The following WDR33 variants were observed in gnomAD, a reference collection of about 807,000 sequenced individuals.
The protein encoded by WDR33 is WD repeat domain 33.
Under a neutral mutation model 164.9 loss-of-function variants are expected in WDR33, and 47 were observed. The ratio of observed to expected loss-of-function variants is 0.29; its 90% CI spans 0.23 to 0.36. The LOEUF is 0.36. WDR33 is among the 10% of genes least tolerant of loss of function. WDR33 has a pLI of 1.00. For missense variants in WDR33, 1,137 were observed against 1,754.1 expected, an observed-to-expected ratio of 0.65 and a Z score of 6.28; for synonymous variants, 505 against 589.0, an observed-to-expected ratio of 0.86 and a Z score of 2.06.
At position 127,717,313 on chromosome 2, in the gene WDR33, C is replaced by T. The variant is rs3771293; in HGVS notation, c.2761-50G>A. The T allele has an allele frequency of 0.15, 212,530 of 1,427,802 alleles. 17,006 individuals carry two copies. Among genetic ancestry groups the T allele is most frequent in the African/African-American group, 0.27 (18,270 of 68,510 alleles). The allele number at this position is 1,427,802 out of a possible 1,614,324, so 88.4% of individuals were successfully genotyped here. On this transcript the variant is annotated intron_variant, in intron 16 of 21. Coordinates refer to ENST00000322313, the MANE Select transcript of WDR33 (RefSeq NM_018383.5). The surrounding 1 kb of genome is among the most constrained non-coding windows in gnomAD (Gnocchi z 5.6). The stretch of plus-strand genomic sequence containing the variant: ...GGTATGAAATCACAGGCTTGAGCTA[C>T]ATAAATAGTGATTGCATTATAACAT...
rs1686253886 is a variant in WDR33, at chr2:127,714,536, A to C, written c.2870-515T>G. 6.6e-6 allele frequency among the ~76,000 whole-genome samples: 1 copy of C among 152,198 alleles called. No homozygotes were observed. The highest frequency in any genetic ancestry group is 2.1e-4 in the South Asian group (1 of 4,826). On this transcript the variant is annotated intron_variant, in intron 17 of 21. Transcript: ENST00000322313. The surrounding 1 kb of genome is among the most constrained non-coding windows in gnomAD (Gnocchi z 4.3). ...GTTGCACTTGATTCCTCTGTAAGGT[A>C]CATGCAATCACCAGCCTCTCAAATA...
intron 1 of WDR33, among the ~76,000 whole-genome samples, chr2:127,785,576 AG>A (rs1312437466): frequency 6.6e-6 from 1 of 152,134 alleles, no homozygotes; most frequent in Non-Finnish European, 1.5e-5. Flanking sequence ...TACAGTGTGG[AG>A]CATTTTGAGA....
At chr2:127,755,350 T>G (rs958313116) in intron 7 of WDR33, among the ~76,000 whole-genome samples, 1 of 152,202 alleles carries the variant, frequency 6.6e-6, no homozygotes, top group African/African-American at 2.4e-5. Flanking sequence ...TGCATACTTG[T>G]CTCACAGGTA....
At chr2:127,711,469 A>C (rs1686159671) in intron 18 of WDR33, among the ~76,000 whole-genome samples, 1 of 150,840 alleles carries the variant, frequency 6.6e-6, no homozygotes, top group African/African-American at 2.4e-5. Context: ...AACATTTTGC[A>C]CAAGATGCAG....
intron 1 of WDR33, among the ~76,000 whole-genome samples, chr2:127,788,434 C>A (rs1368468445): frequency 1.6e-5 from 2 of 128,616 alleles, no homozygotes; most frequent in Non-Finnish European, 3.3e-5. Context: ...TGACCCCCCC[C>A]ACCTCCCTCC....
intron 1 of WDR33, among the ~76,000 whole-genome samples, chr2:127,806,016 G>A (rs1462660780): frequency 6.6e-6 from 1 of 151,536 alleles, no homozygotes; most frequent in African/African-American, 2.4e-5. Context: ...GTGAGGCCAA[G>A]GTGGGCAGAT....
intron 7 of WDR33, among the ~76,000 whole-genome samples, chr2:127,729,445 G>A (rs1686648870): frequency 6.6e-6 from 1 of 151,806 alleles, no homozygotes; most frequent in Non-Finnish European, 1.5e-5. Flanking sequence ...TAAAGACTCA[G>A]TGAAGGATAG....
rs561658677 is a variant in WDR33 at position 127,716,344 on chromosome 2, T to C, written c.2869+811A>G. The stretch of plus-strand genomic sequence containing the variant: ...GCTTAGCCAATTAAAACTAAGAGAG[T>C]AAAGTTCTGTGAAGGGCAATCTCTG... On this transcript the variant is annotated intron_variant, in intron 17 of 21. Coordinates refer to ENST00000322313, the MANE Select transcript of WDR33 (RefSeq NM_018383.5). The surrounding 1 kb of genome is among the most constrained non-coding windows in gnomAD (Gnocchi z 4.5). Among the ~76,000 whole-genome samples, 17 of 151,994 alleles carry C rather than the reference T, an allele frequency of 1.1e-4. No homozygotes were observed. The East Asian group carries it at 3.3e-3, about 29-fold the overall frequency.
rs796330869 is a variant in WDR33 at position 127,731,317 on chromosome 2, A to C, written c.725-4540T>G. 4.1e-3 allele frequency among the ~76,000 whole-genome samples: 592 copies of C among 143,818 alleles called. 3 individuals are homozygous for C. The highest frequency in any genetic ancestry group is 0.015 in the African/African-American group (558 of 36,736). The allele number at this position is 143,818 out of a possible 152,430, so 94.4% of individuals were successfully genotyped here. A position where few individuals can be genotyped will look rare whatever the true frequency, so the allele number is the denominator to read the frequency against. On this transcript the variant is annotated intron_variant, in intron 7 of 21. Coordinates refer to ENST00000322313, the MANE Select transcript of WDR33 (RefSeq NM_018383.5). ...CTCAAAAAAAAAAAAAAAAAAAAAA[A>C]ACACAGAAAAGCAAAAATTAAATTT...
chr2:127,708,670 CT>C lies in WDR33; in HGVS notation c.3781+6del. On this transcript the variant is annotated splice_donor_region_variant and intron_variant, in intron 21 of 21. Transcript: ENST00000322313. This position sits in a 1 kb window ranked among gnomAD's most constrained non-coding sequence, Gnocchi z 6.7. ...TCCTGGAACCATAACCACTGGCCTGCTCTTACCTTTGCCTCCTCGGTCTTCA... is the reference window on the plus strand; with the variant it reads ...TCCTGGAACCATAACCACTGGCCTGCCTTACCTTTGCCTCCTCGGTCTTCA... 1 of 1,595,434 alleles carries C rather than the reference CT, an allele frequency of 6.3e-7. No individual in the cohort carries two copies. Among genetic ancestry groups the C allele is most frequent in the Non-Finnish European group, 8.5e-7 (1 of 1,169,780 alleles).
intron 1 of WDR33, among the ~76,000 whole-genome samples, chr2:127,776,836 C>T (rs112996919): frequency 8.5e-5 from 13 of 152,356 alleles, no homozygotes; most frequent in African/African-American, 2.2e-4. Context: ...CTATCCTCTA[C>T]GCTTTACTTG....
At chr2:127,810,358 G>T (rs746135926) in intron 1 of WDR33, among the ~76,000 whole-genome samples, 3 of 152,076 alleles carry the variant, frequency 2.0e-5, no homozygotes, top group Non-Finnish European at 2.9e-5. Context: ...ACTCCGGAAG[G>T]GGCCACTAAT....
At chr2:127,774,415 T>C (rs1480698687) in intron 1 of WDR33, among the ~76,000 whole-genome samples, 1 of 152,122 alleles carries the variant, frequency 6.6e-6, no homozygotes, top group Non-Finnish European at 1.5e-5. Flanking sequence ...AATAAAATTA[T>C]TCTAACAGTA....
intron 1 of WDR33, among the ~76,000 whole-genome samples, chr2:127,776,946 T>G (rs1688203109): frequency 6.6e-6 from 1 of 152,188 alleles, no homozygotes; most frequent in African/African-American, 2.4e-5. Context: ...CACTGCAGTA[T>G]TGACTTGAGG....
At chr2:127,783,219 C>T (rs530577578) in intron 1 of WDR33, among the ~76,000 whole-genome samples, 24 of 152,212 alleles carry the variant, frequency 1.6e-4, no homozygotes, top group Non-Finnish European at 3.1e-4. Context: ...ATGTTTAATC[C>T]ATGTTACCTG....
At position 127,705,668 on chromosome 2, in the gene WDR33, G is replaced by A. The variant is rs960084737; in HGVS notation, c.*655C>T. On this transcript the variant is annotated 3_prime_UTR_variant, in exon 22 of 22. Transcript: ENST00000322313. The surrounding 1 kb of genome is among the most constrained non-coding windows in gnomAD (Gnocchi z 4.5). ...CTCTTCAGAGTACAATTTTCCATCT[G>A]TCAGAGCATGTCTGAATAAAAATTT... The A allele has an allele frequency of 6.6e-6, 1 of 152,198 alleles. No individual in the cohort carries two copies. The highest frequency in any genetic ancestry group is 2.4e-5 in the African/African-American group (1 of 41,460). 9.4% of individuals were successfully genotyped at this position (152,198 alleles called of 1,614,324 possible).
intron 1 of WDR33, among the ~76,000 whole-genome samples, chr2:127,788,595 G>A (rs1310717248): frequency 1.4e-4 from 19 of 139,892 alleles, no homozygotes; most frequent in Admixed American, 4.7e-4. Context: ...CAGTAGGGGC[G>A]GCCGGGCAGA....
Position 127,763,765 on chromosome 2 carries a change from A to G in WDR33, c.627-606T>C, listed in dbSNP as rs1164676624. On this transcript the variant is annotated intron_variant, in intron 6 of 21. Transcript: ENST00000322313. This position sits in a 1 kb window ranked among gnomAD's most constrained non-coding sequence, Gnocchi z 4.5. ...AATAAGGACATTCAGACTTGTGTGT[A>G]AAGCCAAAGAATCTGCTGCAAGAAG... 1.0e-6 allele frequency: 1 copy of G among 985,498 alleles called. No individual in the cohort carries two copies. The highest frequency in any genetic ancestry group is 1.2e-6 in the Non-Finnish European group (1 of 830,064). 61.0% of individuals were successfully genotyped at this position (985,498 alleles called of 1,614,324 possible).
rs1421230744 is a variant in WDR33, at chr2:127,709,876, GAAT to G, written c.3309-23_3309-21del. The G allele has an allele frequency of 6.2e-7, 1 of 1,611,940 alleles. No homozygotes were observed. The highest frequency in any genetic ancestry group is 2.2e-5 in the East Asian group (1 of 44,888). On this transcript the variant is annotated intron_variant, in intron 18 of 21. Coordinates refer to ENST00000322313, the MANE Select transcript of WDR33 (RefSeq NM_018383.5). The surrounding 1 kb of genome is among the most constrained non-coding windows in gnomAD (Gnocchi z 5.0). ...CTGAAACTGTAAAGAGAAAACAGCA[GAAT>G]GTCCATCTCAGAGAACACCTTGCCA...
Sources: allele counts gnomAD v4.1 joint callset (sites outside exome capture counted in the v4.1 genomes callset), GRCh38; gene constraint gnomAD v4.1.1; non-coding constraint Gnocchi (gnomAD v3.1); transcripts MANE v1.5; gene names NCBI Gene and HGNC (gene_info 2026-07-23, HGNC 2026-07-21).